The following IQGAP1 variants were observed in gnomAD, a reference collection of about 807,000 sequenced individuals.
IQGAP1 encodes ras GTPase-activating-like protein IQGAP1.
Under a neutral mutation model 215.6 loss-of-function variants are expected in IQGAP1, and 66 were observed. The observed-to-expected ratio is 0.31, with a 90% CI of 0.25 to 0.38. The LOEUF (loss-of-function observed/expected upper bound fraction) is 0.38. Among genes scored for constraint, IQGAP1 ranks in the 10% least tolerant of loss-of-function variants. The pLI, the probability that IQGAP1 is intolerant of heterozygous loss-of-function variation, is 1.00. For missense variants in IQGAP1, 1,712 were observed against 1,997.1 expected (o/e 0.86, Z 2.72); for synonymous variants, 772 against 728.7 (o/e 1.06, Z -0.96).
At chr15:90,408,030 G>C (rs752483352) in intron 2 of IQGAP1, among the ~76,000 whole-genome samples, 3 of 152,204 alleles carry the variant, frequency 2.0e-5, no homozygotes, top group Non-Finnish European at 4.4e-5. Flanking sequence ...TTATTTTATG[G>C]CTGGGTTTTT....
intron 3 of IQGAP1, among the ~76,000 whole-genome samples, chr15:90,426,492 C>A (rs375702150): frequency 7.2e-6 from 1 of 139,390 alleles, no homozygotes; most frequent in South Asian, 2.6e-4. Context: ...CCGCCTCCCC[C>A]CTACCCTGTC....
At chr15:90,448,757 A>G (rs1474978938) in intron 10 of IQGAP1, 21 bp downstream of exon 10, 1 of 1,520,556 alleles carries the variant, frequency 6.6e-7, no homozygotes, top group Non-Finnish European at 8.8e-7. Context: ...TCTGGATTGA[A>G]GCTGCAAGAG....
intron 37 of IQGAP1, among the ~76,000 whole-genome samples, chr15:90,499,164 CTT>C (rs1555442910): frequency 1.3e-5 from 2 of 152,186 alleles, no homozygotes; most frequent in Admixed American, 6.5e-5. Flanking sequence ...CATCACCACT[CTT>C]ATAAAGTTCA....
intron 30 of IQGAP1, among the ~76,000 whole-genome samples, chr15:90,484,684 A>C (rs1449202755): frequency 6.6e-6 from 1 of 151,782 alleles, no homozygotes; most frequent in African/African-American, 2.4e-5. Context: ...AAATTTTTTG[A>C]ATTTTTGGTA....
rs1966332907 is a variant in IQGAP1 at position 90,500,932 on chromosome 15, T to A, written c.*824T>A. On this transcript the variant is annotated 3_prime_UTR_variant, in exon 38 of 38. Transcript: ENST00000268182. Reference sequence around the variant, plus strand: ...CCATCCCTATGGCAGAGGAATGGGTTAGCCCTAATGTAGAATGTCATTGTT... The same window carrying A: ...CCATCCCTATGGCAGAGGAATGGGTAAGCCCTAATGTAGAATGTCATTGTT... 1 of 152,666 alleles carries A rather than the reference T, an allele frequency of 6.6e-6. No homozygotes were observed. The highest frequency in any genetic ancestry group is 6.5e-5 in the Admixed American group (1 of 15,276). The allele number at this position is 152,666 out of a possible 1,614,324, so 9.5% of individuals were successfully genotyped here. A position where few individuals can be genotyped will look rare whatever the true frequency, so the allele number is the denominator to read the frequency against.
At chr15:90,473,577 T>C (rs1965934976) in intron 19 of IQGAP1, 138 bp from the exon 20 acceptor site, 2 of 632,038 alleles carry the variant, frequency 3.2e-6, no homozygotes, top group Non-Finnish European at 5.6e-6. Flanking sequence ...CTTGTTCCCC[T>C]GTCACTGCTG....
intron 15 of IQGAP1, among the ~76,000 whole-genome samples, chr15:90,465,748 T>C (rs1965822575): frequency 6.6e-6 from 1 of 151,844 alleles, no homozygotes; most frequent in African/African-American, 2.4e-5. Context: ...CAGGCTGGTC[T>C]CGAGCTCCTG....
At chr15:90,449,511 A>G in intron 10 of IQGAP1, 48 bp from the exon 11 acceptor site, 1 of 1,449,084 alleles carries the variant, frequency 6.9e-7, no homozygotes. Flanking sequence ...TAAGGCCTGG[A>G]GTCATAGGAA....
intron 36 of IQGAP1, among the ~76,000 whole-genome samples, chr15:90,496,562 C>G (rs182148007): frequency 6.6e-6 from 1 of 152,164 alleles, no homozygotes; most frequent in Non-Finnish European, 1.5e-5. Context: ...ACCTCGTGAT[C>G]CGCCCGCCTC....
chr15:90,419,118 A>G (rs1319344474), intron 2 of IQGAP1, among the ~76,000 whole-genome samples: 4 of 149,800 alleles, frequency 2.7e-5, no homozygotes, highest in Non-Finnish European at 3.0e-5. Flanking sequence ...TCACACCACT[A>G]CATAGACTCT....
chr15:90,501,313 C>G lies in IQGAP1; in HGVS notation c.*1205C>G, dbSNP rs549352100. ...ATTTTATGAGCCCCAGTTTTCTGGG[C>G]TTAGTTTAAAAAAAAAATCAAGTCT... On this transcript the variant is annotated 3_prime_UTR_variant, in exon 38 of 38. Transcript: ENST00000268182. 23 of 149,624 alleles carry G rather than the reference C, an allele frequency of 1.5e-4. No homozygotes were observed. Among genetic ancestry groups the G allele is most frequent in the African/African-American group, 5.7e-4 (23 of 40,586 alleles). 9.3% of individuals were successfully genotyped at this position (149,624 alleles called of 1,614,324 possible). A position where few individuals can be genotyped will look rare whatever the true frequency, so the allele number is the denominator to read the frequency against.
At position 90,456,981 on chromosome 15, in the gene IQGAP1, G is replaced by GAA. The variant is rs60769473; in HGVS notation, c.1776+674_1776+675dup. ...CGTATATATACATATATACGATCCAGAAAAAAAAATATATATATATGATCC... is the reference window on the plus strand; with the variant it reads ...CGTATATATACATATATACGATCCAGAAAAAAAAAAATATATATATATGATCC... On this transcript the variant is annotated intron_variant, in intron 15 of 37. Transcript: ENST00000268182. Among the ~76,000 whole-genome samples, 186 of 112,246 alleles carry GAA rather than the reference G, an allele frequency of 1.7e-3. 1 individual carries two copies. Among genetic ancestry groups the GAA allele is most frequent in the African/African-American group, 7.3e-3 (177 of 24,302 alleles). 73.6% of individuals were successfully genotyped at this position (112,246 alleles called of 152,430 possible). A position where few individuals can be genotyped will look rare whatever the true frequency, so the allele number is the denominator to read the frequency against.
At chr15:90,408,560 C>G (rs1366688386) in intron 2 of IQGAP1, among the ~76,000 whole-genome samples, 1 of 152,048 alleles carries the variant, frequency 6.6e-6, no homozygotes, top group African/African-American at 2.4e-5. Context: ...GATGGTAGGT[C>G]ATGAAAAGGT....
intron 30 of IQGAP1, among the ~76,000 whole-genome samples, chr15:90,484,671 G>A (rs1285928365): frequency 6.6e-6 from 1 of 152,030 alleles, no homozygotes; most frequent in Non-Finnish European, 1.5e-5. Flanking sequence ...ACCGTGCCTG[G>A]CTAAATTTTT....
At chr15:90,437,684 A>G (rs894269293) in intron 5 of IQGAP1, among the ~76,000 whole-genome samples, 4 of 151,990 alleles carry the variant, frequency 2.6e-5, no homozygotes, top group Admixed American at 2.0e-4. Flanking sequence ...GACTACAGGC[A>G]TGCACCACCA....
intron 36 of IQGAP1, among the ~76,000 whole-genome samples, chr15:90,496,188 G>T (rs1966270224): frequency 6.6e-6 from 1 of 151,560 alleles, no homozygotes; most frequent in Admixed American, 6.6e-5. Context: ...AACTCTCAGT[G>T]ACCTTTTTGC....
intron 26 of IQGAP1, among the ~76,000 whole-genome samples, chr15:90,479,383 T>C (rs1966024356): frequency 6.6e-6 from 1 of 152,058 alleles, no homozygotes; most frequent in Admixed American, 6.5e-5. Context: ...TGTACCCGGA[T>C]GCCAGGCAAA....
chr15:90,423,315 C>T (rs1016032173), intron 2 of IQGAP1, among the ~76,000 whole-genome samples: 4 of 152,210 alleles, frequency 2.6e-5, no homozygotes, highest in Non-Finnish European at 5.9e-5. Flanking sequence ...CTCACTGCAG[C>T]TTCTACCTCC....
intron 2 of IQGAP1, among the ~76,000 whole-genome samples, chr15:90,393,038 C>T (rs891553520): frequency 6.6e-6 from 1 of 151,766 alleles, no homozygotes; most frequent in Non-Finnish European, 1.5e-5. Flanking sequence ...AGCTGCTGTG[C>T]CTGGCCTCAT....
Sources: allele counts gnomAD v4.1 joint callset (sites outside exome capture counted in the v4.1 genomes callset), GRCh38; gene constraint gnomAD v4.1.1; transcripts MANE v1.5; gene names NCBI Gene and HGNC (gene_info 2026-07-23, HGNC 2026-07-21).